Variants in CAST observed in about 807,000 individuals in gnomAD.
The protein encoded by CAST is calpastatin, also known as MIR583 host.
CAST carries 76 observed loss-of-function variants against 119.6 expected under a neutral mutation model. The ratio of observed to expected loss-of-function variants is 0.64; its 90% confidence interval spans 0.53 to 0.77. The LOEUF (loss-of-function observed/expected upper bound fraction) is 0.77. CAST is among the 30% of genes least tolerant of loss of function. The probability of loss-of-function intolerance (pLI) is 0.00; values close to 1 mark genes in which losing one functional copy is unlikely to be tolerated. For synonymous variants in CAST, 319 were observed against 331.6 expected (o/e 0.96, Z 0.41); for missense variants, 953 against 946.5 (o/e 1.01, Z -0.09).
At chr5:96,408,251 C>T in the CAST span, 10 of 1,614,038 alleles carry the variant, frequency 6.2e-6, no homozygotes, top group Admixed American at 1.3e-4. Flanking sequence ...GCGAAGATGC[C>T]AGCAGCCAGA....
chr5:96,347,877 G>T, the CAST span, among the ~76,000 whole-genome samples: 1 of 152,332 alleles, frequency 6.6e-6, no homozygotes, highest in East Asian at 1.9e-4. Flanking sequence ...AGCCATCAGG[G>T]TGGATGATGT....
At chr5:96,514,509 A>G in the CAST span, among the ~76,000 whole-genome samples, 2 of 152,230 alleles carry the variant, frequency 1.3e-5, no homozygotes, top group Non-Finnish European at 1.5e-5. Flanking sequence ...GTATTCTATT[A>G]CTAGAGAGAG....
intron 9 of CAST, among the ~76,000 whole-genome samples, chr5:96,733,329 T>A (rs1209918216): frequency 1.3e-5 from 2 of 152,216 alleles, no homozygotes; most frequent in African/African-American, 4.8e-5. Context: ...TACGTTAAAA[T>A]AGATTTTTAA....
chr5:96,268,159 A>G, the CAST span, among the ~76,000 whole-genome samples: 1 of 152,228 alleles, frequency 6.6e-6, no homozygotes, highest in African/African-American at 2.4e-5. Flanking sequence ...AGATAATAAA[A>G]AGGAAGAAAG....
the CAST span, among the ~76,000 whole-genome samples, chr5:96,152,336 C>A: frequency 1.3e-5 from 2 of 152,292 alleles, no homozygotes; most frequent in East Asian, 1.9e-4. Flanking sequence ...TGGACACATC[C>A]ATTTAAAGCT....
the CAST span, among the ~76,000 whole-genome samples, chr5:96,431,312 G>T: frequency 2.6e-5 from 4 of 152,220 alleles, no homozygotes; most frequent in African/African-American, 9.6e-5. Context: ...CTCATTATGT[G>T]CTCCTGGCAA....
At chr5:96,551,161 C>G (rs1166361804) in intron 1 of CAST, among the ~76,000 whole-genome samples, 1 of 152,090 alleles carries the variant, frequency 6.6e-6, no homozygotes, top group Non-Finnish European at 1.5e-5. Context: ...TAAGGGCAGC[C>G]AGAGAGAAAG....
chr5:95,995,623 G>A, the CAST span, among the ~76,000 whole-genome samples: 2 of 152,116 alleles, frequency 1.3e-5, no homozygotes, highest in East Asian at 1.9e-4. Context: ...CAGTTATGTC[G>A]TGTGGTCTCA....
the CAST span, among the ~76,000 whole-genome samples, chr5:96,050,852 G>A: frequency 6.6e-6 from 1 of 152,148 alleles, no homozygotes; most frequent in Non-Finnish European, 1.5e-5. Context: ...GGAGGAGCGG[G>A]CTCGGAAATG....
chr5:96,661,280 A>AC (rs71582377), upstream of CAST, among the ~76,000 whole-genome samples: 1 of 136,906 alleles, frequency 7.3e-6, no homozygotes, highest in African/African-American at 2.9e-5. Flanking sequence ...AAAAAAAAAA[A>AC]GCTGGGTGTG....
At chr5:96,581,638 C>T (rs542579842) in intron 1 of CAST, among the ~76,000 whole-genome samples, 1 of 152,320 alleles carries the variant, frequency 6.6e-6, no homozygotes, top group African/African-American at 2.4e-5. Context: ...CGCCTGTAAT[C>T]CCAGCACTTT....
At chr5:96,584,566 C>G (rs1244251532) in intron 1 of CAST, 3 of 152,196 alleles carry the variant, frequency 2.0e-5, no homozygotes, top group Admixed American at 6.5e-5. Flanking sequence ...TTTTAACAGA[C>G]AAAACGTCAT....
At chr5:96,548,392 A>G (rs1246141025) in intron 1 of CAST, among the ~76,000 whole-genome samples, 2 of 152,098 alleles carry the variant, frequency 1.3e-5, no homozygotes, top group East Asian at 1.9e-4. Flanking sequence ...AGATCAACCA[A>G]TACTCTAGTA....
chr5:96,723,922 G>C (rs993226243), intron 4 of CAST, among the ~76,000 whole-genome samples: 1 of 152,078 alleles, frequency 6.6e-6, no homozygotes, highest in Non-Finnish European at 1.5e-5. Context: ...CTATAACTTA[G>C]TACTATCAAA....
At chr5:96,364,552 G>A in the CAST span, among the ~76,000 whole-genome samples, 2 of 152,328 alleles carry the variant, frequency 1.3e-5, no homozygotes, top group Middle Eastern at 3.4e-3. Context: ...TTAGTCTTGG[G>A]AGGATGTATG....
At chr5:96,606,754 A>G (rs1747264217) in intron 1 of CAST, among the ~76,000 whole-genome samples, 1 of 152,298 alleles carries the variant, frequency 6.6e-6, no homozygotes, top group South Asian at 2.1e-4. Flanking sequence ...CCTGTGCCCA[A>G]CTTGAAACCT....
intron 1 of CAST, among the ~76,000 whole-genome samples, chr5:96,629,221 C>G (rs1192677004): frequency 6.6e-6 from 1 of 152,212 alleles, no homozygotes; most frequent in Non-Finnish European, 1.5e-5. Context: ...GTACCTCTCT[C>G]TATGGTGAGT....
At chr5:96,328,514 A>T in the CAST span, among the ~76,000 whole-genome samples, 1 of 152,116 alleles carries the variant, frequency 6.6e-6, no homozygotes, top group Non-Finnish European at 1.5e-5. Flanking sequence ...TCAGAGGAGC[A>T]GAAATCAAGG....
At chr5:96,380,743 A>G in the CAST span, among the ~76,000 whole-genome samples, 1 of 152,336 alleles carries the variant, frequency 6.6e-6, no homozygotes, top group East Asian at 1.9e-4. Context: ...GAAATTAGGA[A>G]TATTAACTAA....
Sources: gnomAD v4.1 joint callset for allele counts (sites outside exome capture counted in the v4.1 genomes callset) on GRCh38, gnomAD v4.1.1 for gene constraint, MANE v1.5 for transcripts, NCBI Gene and HGNC (gene_info 2026-07-23, HGNC 2026-07-21) for gene names.